ZFHX3: variants seen among roughly 807,000 people sequenced by gnomAD.
ZFHX3 encodes zinc finger homeobox 3.
A neutral mutation model predicts 279.1 loss-of-function variants in ZFHX3; 42 were observed. The observed-to-expected ratio is 0.15, with a 90% CI of 0.12 to 0.19. The LOEUF (loss-of-function observed/expected upper bound fraction) is 0.19. Among genes scored for constraint, ZFHX3 ranks in the 10% least tolerant of loss-of-function variants. The pLI is 1.00. For missense variants in ZFHX3, 4,981 were observed against 4,754.0 expected, an observed-to-expected ratio of 1.05 and a Z score of -1.40; for synonymous variants, 2,293 against 1,957.8, an observed-to-expected ratio of 1.17 and a Z score of -4.52.
chr16:72,970,086 G>T (rs919717285), intron 1 of ZFHX3, among the ~76,000 whole-genome samples: 2 of 152,242 alleles, frequency 1.3e-5, no homozygotes, highest in Non-Finnish European at 2.9e-5. Context: ...CCATTCTGCA[G>T]GGAATCCACA....
intron 1 of ZFHX3, among the ~76,000 whole-genome samples, chr16:73,857,135 A>G (rs989215823): frequency 5.9e-5 from 9 of 152,224 alleles, no homozygotes; most frequent in Non-Finnish European, 4.4e-5. Flanking sequence ...TAGAAACTCA[A>G]TACCTGAACT....
chr16:73,156,521 G>C (rs1258986886), intron 5 of ZFHX3, among the ~76,000 whole-genome samples: 1 of 152,052 alleles, frequency 6.6e-6, no homozygotes, highest in South Asian at 2.1e-4. Context: ...CTAAGCCTTC[G>C]CTCCTGGTCT....
At chr16:72,951,608 G>C (rs1961004885) in intron 2 of ZFHX3, among the ~76,000 whole-genome samples, 1 of 152,170 alleles carries the variant, frequency 6.6e-6, no homozygotes, top group African/African-American at 2.4e-5. Flanking sequence ...TCCAAGAAAA[G>C]ACAGAAATAT....
intron 3 of ZFHX3, among the ~76,000 whole-genome samples, chr16:73,358,613 G>C (rs1206621621): frequency 6.6e-6 from 1 of 152,198 alleles, no homozygotes; most frequent in Non-Finnish European, 1.5e-5. Flanking sequence ...CAAGCCACTA[G>C]GTCTTAGGGT....
At position 72,794,803 on chromosome 16, in the gene ZFHX3, C is replaced by T. The variant is rs761054206; in HGVS notation, c.7879G>A (p.Gly2627Ser). The T allele has an allele frequency of 1.1e-5, 18 of 1,614,010 alleles. No individual in the cohort carries two copies. In the East Asian group the frequency reaches 4.0e-4, roughly 36 times the overall value. Residue 2627 changes from glycine to serine, a missense_variant, in exon 9 of 10, where the codon GGC becomes AGC. This residue lies in a region of ZFHX3 where 744 missense variants were observed against 701.3 expected (regional missense o/e 1.06). Coordinates refer to ENST00000268489, the MANE Select transcript of ZFHX3 (RefSeq NM_006885.4). The surrounding 1 kb of genome is among the most constrained non-coding windows in gnomAD (Gnocchi z 4.2). ...CCTCCTGTCCCACTGTCGTTTTCGC[C>T]AGGGCTTGCACTGGCCTTTTCCTCC... is the stretch of plus-strand genomic sequence containing the variant. Reference protein sequence around the residue: ...KLEEKASASPGENDSGTGGEE... With the variant: ...KLEEKASASPSENDSGTGGEE...
chr16:73,569,815 C>G (rs2051716179), intron 2 of ZFHX3, among the ~76,000 whole-genome samples: 1 of 152,174 alleles, frequency 6.6e-6, no homozygotes, highest in Admixed American at 6.5e-5. Flanking sequence ...AGCTCAAGAA[C>G]AGTTAATCCC....
chr16:73,694,137 G>C (rs1597069819), intron 1 of ZFHX3, among the ~76,000 whole-genome samples: 1 of 151,554 alleles, frequency 6.6e-6, no homozygotes, highest in South Asian at 2.1e-4. Context: ...AGCCTGGCCA[G>C]CATGGTGAAA....
chr16:73,039,940 A>T (rs1431030279), intron 1 of ZFHX3, among the ~76,000 whole-genome samples: 3 of 152,168 alleles, frequency 2.0e-5, no homozygotes, highest in African/African-American at 7.2e-5. Context: ...CGGTATAAGC[A>T]ATGTGAGGAA....
At chr16:73,515,367 A>G (rs1172908528) in intron 2 of ZFHX3, among the ~76,000 whole-genome samples, 4 of 152,110 alleles carry the variant, frequency 2.6e-5, no homozygotes. Context: ...CTTAGTCACA[A>G]AGATGGTGCC....
At chr16:73,663,977 C>T (rs145161838) in intron 2 of ZFHX3, among the ~76,000 whole-genome samples, 50 of 152,288 alleles carry the variant, frequency 3.3e-4, no homozygotes, top group African/African-American at 1.1e-3. Context: ...TGGGGAACAC[C>T]ACCCATTTAG....
At chr16:72,910,172 C>T (rs2359128) in intron 3 of ZFHX3, among the ~76,000 whole-genome samples, 23,330 of 152,120 alleles carry the variant, frequency 0.15, 2,246 homozygotes, top group Non-Finnish European at 0.22. Context: ...CAGAGCTTAA[C>T]AATACCTGTA....
chr16:73,230,577 T>C (rs1207184322), intron 5 of ZFHX3, among the ~76,000 whole-genome samples: 1 of 152,204 alleles, frequency 6.6e-6, no homozygotes, highest in East Asian at 1.9e-4. Flanking sequence ...TATGCATCCT[T>C]GGTGATACAC....
intron 2 of ZFHX3, among the ~76,000 whole-genome samples, chr16:73,516,805 G>C (rs2019529949): frequency 6.6e-6 from 1 of 152,208 alleles, no homozygotes; most frequent in African/African-American, 2.4e-5. Context: ...TGCACAGAGA[G>C]TATGTGCTGA....
chr16:73,759,270 A>C (rs754986014), intron 1 of ZFHX3, among the ~76,000 whole-genome samples: 2 of 152,172 alleles, frequency 1.3e-5, no homozygotes, highest in Admixed American at 6.5e-5. Context: ...CACATGAGCC[A>C]AAGTGGGTGA....
intron 1 of ZFHX3, among the ~76,000 whole-genome samples, chr16:72,996,228 G>A (rs1018340500): frequency 1.3e-5 from 2 of 152,186 alleles, no homozygotes; most frequent in Non-Finnish European, 2.9e-5. Context: ...AGATTGGAGT[G>A]AGCTGAGCTC....
At chr16:73,340,857 G>A (rs1024498300) in intron 3 of ZFHX3, among the ~76,000 whole-genome samples, 2 of 152,080 alleles carry the variant, frequency 1.3e-5, no homozygotes, top group East Asian at 1.9e-4. Flanking sequence ...TGGGTGTGAA[G>A]AAATGACTTC....
intron 1 of ZFHX3, among the ~76,000 whole-genome samples, chr16:73,705,008 C>G (rs547148764): frequency 2.0e-5 from 3 of 152,116 alleles, no homozygotes; most frequent in African/African-American, 7.2e-5. Flanking sequence ...TTCAACCCAG[C>G]AACATAACAT....
chr16:73,349,214 C>G (rs2143279869), intron 3 of ZFHX3, among the ~76,000 whole-genome samples: 1 of 152,304 alleles, frequency 6.6e-6, no homozygotes, highest in Admixed American at 6.5e-5. Flanking sequence ...GGAAAGGAGG[C>G]CGGGCAAAGG....
At chr16:73,415,543 C>T (rs190514598) in intron 3 of ZFHX3, among the ~76,000 whole-genome samples, 1 of 152,182 alleles carries the variant, frequency 6.6e-6, no homozygotes, top group Non-Finnish European at 1.5e-5. Flanking sequence ...AGACTTCATC[C>T]CAAATGGAGC....
Sources: gnomAD v4.1 joint callset for allele counts (sites outside exome capture counted in the v4.1 genomes callset) on GRCh38, gnomAD v4.1.1 for gene constraint, gnomAD v4.1.1 regional missense constraint, Gnocchi (gnomAD v3.1) non-coding constraint, MANE v1.5 for transcripts, NCBI Gene and HGNC (gene_info 2026-07-23, HGNC 2026-07-21) for gene names.